The following PLEKHG1 variants were observed in gnomAD, a reference collection of about 807,000 sequenced individuals.
The protein encoded by PLEKHG1 is pleckstrin homology domain-containing family G member 1.
PLEKHG1 carries 44 observed loss-of-function variants against 100.8 expected under a neutral mutation model. The ratio of observed to expected loss-of-function variants is 0.44; its 90% CI spans 0.34 to 0.56. The LOEUF (loss-of-function observed/expected upper bound fraction) is 0.56. Ranked by LOEUF, PLEKHG1 falls within the 20% of genes least tolerant of loss-of-function variation. The probability of loss-of-function intolerance (pLI) is 0.01; values close to 1 mark genes in which losing one functional copy is unlikely to be tolerated. For synonymous variants in PLEKHG1, 640 were observed against 662.5 expected, an observed-to-expected ratio of 0.97 and a Z score of 0.52; for missense variants, 1,545 against 1,720.9, an observed-to-expected ratio of 0.90 and a Z score of 1.81.
chr6:150,644,151 A>G (rs2128569951), intron 2 of PLEKHG1, among the ~76,000 whole-genome samples: 1 of 152,178 alleles, frequency 6.6e-6, no homozygotes, highest in African/African-American at 2.4e-5. Context: ...CTCCCTTCCT[A>G]CTTTGGTCAG....
chr6:150,621,525 C>A (rs1171685286), intron 1 of PLEKHG1, among the ~76,000 whole-genome samples: 2 of 152,096 alleles, frequency 1.3e-5, no homozygotes, highest in African/African-American at 4.8e-5. Context: ...CAGGCCTATG[C>A]CACCACACCC....
At chr6:150,808,623 G>A (rs1233171880) in intron 7 of PLEKHG1, among the ~76,000 whole-genome samples, 1 of 152,076 alleles carries the variant, frequency 6.6e-6, no homozygotes, top group East Asian at 1.9e-4. Flanking sequence ...CATGGTGATG[G>A]GCACCTGTAA....
chr6:150,712,217 C>T (rs1375208281), intron 3 of PLEKHG1, among the ~76,000 whole-genome samples: 1 of 152,138 alleles, frequency 6.6e-6, no homozygotes, highest in Non-Finnish European at 1.5e-5. Flanking sequence ...TGCCCCAAAT[C>T]AATGAGGGAG....
chr6:150,725,532 A>G (rs900945985), intron 1 of PLEKHG1, among the ~76,000 whole-genome samples: 1 of 152,186 alleles, frequency 6.6e-6, no homozygotes, highest in African/African-American at 2.4e-5. Context: ...TTGTACAAAT[A>G]TGTGCTTTAA....
chr6:150,769,783 C>T (rs745393466), intron 3 of PLEKHG1, among the ~76,000 whole-genome samples: 2 of 152,016 alleles, frequency 1.3e-5, no homozygotes, highest in Admixed American at 6.6e-5. Context: ...TCCTTCTTCT[C>T]GCTGAGGCTC....
chr6:150,839,865 G>A (rs774281540), exon 16 of PLEKHG1: 5 of 1,613,314 alleles, frequency 3.1e-6, no homozygotes, highest in Non-Finnish European at 3.4e-6. Context: ...CCAGTTGTAT[G>A]ACCAGATTGT....
Position 150,645,923 on chromosome 6 carries a change from G to C in PLEKHG1, c.-157-4805G>C, listed in dbSNP as rs114702620. On this transcript the variant is annotated intron_variant, in intron 2 of 3. Transcript: ENST00000367326. The stretch of plus-strand genomic sequence containing the variant: ...GAATCTCCAGCACATGAATACAGAA[G>C]AAATGTACAACATTGCTTTTAGTAG... 7.1e-3 allele frequency among the ~76,000 whole-genome samples: 1,088 copies of C among 152,276 alleles called. 14 individuals are homozygous for C. The highest frequency in any genetic ancestry group is 0.025 in the African/African-American group (1,028 of 41,552).
intron 3 of PLEKHG1, among the ~76,000 whole-genome samples, chr6:150,692,946 G>A (rs1329635233): frequency 1.3e-5 from 2 of 152,182 alleles, no homozygotes. Context: ...TGACATTTGG[G>A]GGAATGTTGA....
chr6:150,840,120 T>C (rs1242462607), exon 16 of PLEKHG1: 1 of 1,614,260 alleles, frequency 6.2e-7, no homozygotes, highest in African/African-American at 1.3e-5. Flanking sequence ...CGCAGCTTGC[T>C]CTGTGCCTTC....
intron 1 of PLEKHG1, among the ~76,000 whole-genome samples, chr6:150,610,353 C>T (rs1426660647): frequency 1.3e-5 from 2 of 152,220 alleles, no homozygotes; most frequent in South Asian, 2.1e-4. Flanking sequence ...CCACCTGCTT[C>T]GGCCTCCCGA....
intron 3 of PLEKHG1, among the ~76,000 whole-genome samples, chr6:150,685,585 AT>A (rs1780096115): frequency 6.6e-6 from 1 of 152,160 alleles, no homozygotes; most frequent in African/African-American, 2.4e-5. Context: ...CTCTTCTACC[AT>A]TTTAAAATCC....
intron 2 of PLEKHG1, among the ~76,000 whole-genome samples, chr6:150,745,015 G>A (rs1018189699): frequency 6.6e-6 from 1 of 152,154 alleles, no homozygotes; most frequent in African/African-American, 2.4e-5. Flanking sequence ...AAGTACCTAT[G>A]ATCAGTCCTG....
intron 1 of PLEKHG1, among the ~76,000 whole-genome samples, chr6:150,724,924 T>A (rs1393457068): frequency 6.6e-6 from 1 of 152,194 alleles, no homozygotes; most frequent in Non-Finnish European, 1.5e-5. Flanking sequence ...GCTAAGGCAA[T>A]TTATCTAATG....
intron 3 of PLEKHG1, chr6:150,663,195 C>T (rs527890926): frequency 5.3e-5 from 8 of 152,220 alleles, no homozygotes; most frequent in Non-Finnish European, 1.2e-4. Context: ...AACAAATTAT[C>T]CATGTTTTGA....
chr6:150,743,332 C>A (rs901198323), intron 2 of PLEKHG1, among the ~76,000 whole-genome samples: 2 of 152,038 alleles, frequency 1.3e-5, no homozygotes, highest in African/African-American at 4.8e-5. Context: ...ACCAGCCTGA[C>A]CAGCATGGTG....
intron 3 of PLEKHG1, among the ~76,000 whole-genome samples, chr6:150,690,560 C>T (rs1780316487): frequency 6.6e-6 from 1 of 152,192 alleles, no homozygotes; most frequent in Non-Finnish European, 1.5e-5. Flanking sequence ...AGTAAGCATG[C>T]ATATATTTGT....
At chr6:150,665,004 T>C (rs1441264724) in intron 3 of PLEKHG1, among the ~76,000 whole-genome samples, 1 of 152,220 alleles carries the variant, frequency 6.6e-6, no homozygotes, top group Non-Finnish European at 1.5e-5. Flanking sequence ...TCCAAGCTGC[T>C]GGCGAGGACA....
chr6:150,792,782 T>C lies in PLEKHG1; in HGVS notation c.583-3074T>C, dbSNP rs566146818. On this transcript the variant is annotated intron_variant, in intron 4 of 15. Coordinates refer to ENST00000358517, the Ensembl canonical transcript of PLEKHG1. ...AGCAAGAGTATCCCTGATACCCAGATTGTGGTCTCCAAACACTGTTTCCTG... is the reference window on the plus strand; with the variant it reads ...AGCAAGAGTATCCCTGATACCCAGACTGTGGTCTCCAAACACTGTTTCCTG... 2.4e-4 allele frequency among the ~76,000 whole-genome samples: 37 copies of C among 152,242 alleles called. No individual in the cohort carries two copies. The East Asian group carries it at 4.6e-3, about 19-fold the overall frequency.
chr6:150,670,527 G>A (rs552651852), intron 3 of PLEKHG1, among the ~76,000 whole-genome samples: 79 of 152,304 alleles, frequency 5.2e-4, no homozygotes, highest in African/African-American at 1.7e-3. Context: ...GAGCATGGGC[G>A]CCCCCTGGAG....
Sources: allele counts gnomAD v4.1 joint callset (sites outside exome capture counted in the v4.1 genomes callset), GRCh38; gene constraint gnomAD v4.1.1; transcripts MANE v1.5; gene names NCBI Gene and HGNC (gene_info 2026-07-23, HGNC 2026-07-21).